The following KIF26B variants were observed in gnomAD, a reference collection of about 807,000 sequenced individuals.
KIF26B encodes kinesin family member 26B, also known as kinesin-like protein KIF26B.
A neutral mutation model predicts 151.2 loss-of-function variants in KIF26B; 63 were observed. The ratio of observed to expected loss-of-function variants is 0.42; its 90% CI spans 0.34 to 0.51. The LOEUF is 0.51. KIF26B is among the 20% of genes least tolerant of loss of function. The pLI is 0.07. For missense variants in KIF26B, 2,813 were observed against 2,913.6 expected (o/e 0.97, Z 0.79); for synonymous variants, 1,357 against 1,262.1 (o/e 1.08, Z -1.59).
At chr1:245,230,565 A>G (rs1669975381) in intron 2 of KIF26B, among the ~76,000 whole-genome samples, 1 of 152,052 alleles carries the variant, frequency 6.6e-6, no homozygotes, top group South Asian at 2.1e-4. Context: ...CAACATGGAG[A>G]AACCCCATCT....
chr1:245,216,610 C>G (rs1419134783), intron 2 of KIF26B, among the ~76,000 whole-genome samples: 1 of 152,100 alleles, frequency 6.6e-6, no homozygotes, highest in African/African-American at 2.4e-5. Context: ...TGTATTGTAG[C>G]CTTTCGGAAA....
At chr1:245,380,478 A>T (rs1673381051) in intron 3 of KIF26B, among the ~76,000 whole-genome samples, 1 of 152,144 alleles carries the variant, frequency 6.6e-6, no homozygotes, top group African/African-American at 2.4e-5. Flanking sequence ...GTCGCCAGGG[A>T]GGTTGACCCC....
chr1:245,387,175 G>GTTTTTTT (rs200463573), intron 3 of KIF26B, among the ~76,000 whole-genome samples: 2 of 142,086 alleles, frequency 1.4e-5, no homozygotes, highest in Non-Finnish European at 3.0e-5. Context: ...TTTGTTTTTT[G>GTTTTTTT]TTTTTTGAGA....
intron 2 of KIF26B, chr1:245,226,043 T>A (rs1477469409): frequency 6.6e-6 from 1 of 152,272 alleles, no homozygotes; most frequent in East Asian, 1.9e-4. Flanking sequence ...TGCTTAGTGA[T>A]TGATGTCCAT....
intron 4 of KIF26B, among the ~76,000 whole-genome samples, chr1:245,485,572 C>T (rs1469536509): frequency 1.1e-4 from 16 of 152,022 alleles, no homozygotes; most frequent in African/African-American, 2.9e-4. Context: ...TTAGTAGAGA[C>T]GGGGTTTCGC....
chr1:245,673,178 T>G (rs1269521417), intron 10 of KIF26B, among the ~76,000 whole-genome samples: 1 of 89,120 alleles, frequency 1.1e-5, no homozygotes, highest in Admixed American at 1.1e-4. Context: ...CAGTCCCCGC[T>G]GCGCGCTGCC....
rs780936718 is a variant in KIF26B, at chr1:245,686,498, C to T, written c.3515C>T (p.Thr1172Met). The change falls in exon 12 of 15, where the codon ACG becomes ATG. Residue 1172 changes from threonine to methionine, a missense_variant. By Grantham distance (81) the Thr-to-Met change is moderately conservative (BLOSUM62 -1). This residue lies in a region of KIF26B where 2,060 missense variants were observed against 2,088.6 expected (regional missense o/e 0.99). Coordinates refer to ENST00000407071, the MANE Select transcript of KIF26B (RefSeq NM_018012.4). The surrounding 1 kb of genome is among the most constrained non-coding windows in gnomAD (Gnocchi z 5.6). ...SESKKEILST[T>M]MVTVQQPLEL... ...TCCAAGAAGGAGATCCTGAGCACCA[C>T]GATGGTGACGGTGCAGCAGCCACTG... The T allele has an allele frequency of 1.7e-5, 27 of 1,612,888 alleles. No individual in the cohort carries two copies. The highest frequency in any genetic ancestry group is 1.6e-4 in the Middle Eastern group (1 of 6,082).
In KIF26B at chr1:245,606,134, A is replaced by G. The variant is rs1257439820; in HGVS notation, c.1558-1517A>G. ...GCCTAAGTCCTGGGGGGTTTGAAAG[A>G]TCCTGTGTGCCCTACAGCAGCCCTG... is the stretch of plus-strand genomic sequence containing the variant. On this transcript the variant is annotated intron_variant, in intron 6 of 14. Transcript: ENST00000407071. This position sits in a 1 kb window ranked among gnomAD's most constrained non-coding sequence, Gnocchi z 4.6. Among the ~76,000 whole-genome samples the G allele has an allele frequency of 1.3e-5, 2 of 152,010 alleles. No homozygotes were observed. The highest frequency in any genetic ancestry group is 4.8e-5 in the African/African-American group (2 of 41,406).
rs574322836 is a variant in KIF26B, at chr1:245,227,025, C to T, written c.465+70342C>T. On this transcript the variant is annotated intron_variant, in intron 2 of 14. Coordinates refer to ENST00000407071, the MANE Select transcript of KIF26B (RefSeq NM_018012.4). The surrounding 1 kb of genome is among the most constrained non-coding windows in gnomAD (Gnocchi z 4.1). ...TTCTTGAAAGACAGGCAGCTTGTTT[C>T]GAATGACCCACAGGGAATGGTGCAC... 2.0e-5 allele frequency among the ~76,000 whole-genome samples: 3 copies of T among 152,284 alleles called. No individual in the cohort carries two copies. The South Asian group carries it at 6.2e-4, about 32-fold the overall frequency.
intron 9 of KIF26B, among the ~76,000 whole-genome samples, chr1:245,640,826 C>T (rs1277459400): frequency 3.9e-5 from 6 of 152,044 alleles, no homozygotes; most frequent in African/African-American, 1.2e-4. Flanking sequence ...CCCTTCTGTT[C>T]CTACATTTTA....
chr1:245,199,192 A>T (rs1415895140), intron 2 of KIF26B, among the ~76,000 whole-genome samples: 2 of 152,130 alleles, frequency 1.3e-5, no homozygotes, highest in East Asian at 3.9e-4. Context: ...TCAAACTTTC[A>T]TCATTTTCTG....
At chr1:245,295,989 T>C (rs536259996) in intron 2 of KIF26B, among the ~76,000 whole-genome samples, 1 of 152,308 alleles carries the variant, frequency 6.6e-6, no homozygotes, top group East Asian at 1.9e-4. Flanking sequence ...CTCTCCATTA[T>C]TCATCTTTGT....
intron 10 of KIF26B, among the ~76,000 whole-genome samples, chr1:245,663,027 A>C (rs1464583533): frequency 7.1e-6 from 1 of 141,146 alleles, no homozygotes; most frequent in Non-Finnish European, 1.5e-5. Flanking sequence ...CTTGCTTTGT[A>C]TCTCTCTCCA....
chr1:245,367,460 A>T lies in KIF26B; in HGVS notation c.999+93A>T, dbSNP rs965146650. On this transcript the variant is annotated intron_variant, in intron 3 of 14. Coordinates refer to ENST00000407071, the MANE Select transcript of KIF26B (RefSeq NM_018012.4). This position sits in a 1 kb window ranked among gnomAD's most constrained non-coding sequence, Gnocchi z 4.2. ...TTCCTTCCGCTGCCTCCTCCCGGGAACCCTGTAACTCAGAGCCCAGTGTTT... is the reference window on the plus strand; with the variant it reads ...TTCCTTCCGCTGCCTCCTCCCGGGATCCCTGTAACTCAGAGCCCAGTGTTT... 1 of 1,185,612 alleles carries T rather than the reference A, an allele frequency of 8.4e-7. No individual in the cohort carries two copies. The highest frequency in any genetic ancestry group is 1.5e-5 in the African/African-American group (1 of 65,392). 73.4% of individuals were successfully genotyped at this position (1,185,612 alleles called of 1,614,324 possible). A position where few individuals can be genotyped will look rare whatever the true frequency, so the allele number is the denominator to read the frequency against.
chr1:245,354,407 T>G (rs1292994765), intron 2 of KIF26B, among the ~76,000 whole-genome samples: 1 of 152,146 alleles, frequency 6.6e-6, no homozygotes, highest in Non-Finnish European at 1.5e-5. Context: ...GTGACCAGCC[T>G]CGTAAGCCAT....
chr1:245,298,171 G>A (rs1282653066), intron 2 of KIF26B, among the ~76,000 whole-genome samples: 2 of 152,318 alleles, frequency 1.3e-5, no homozygotes, highest in Middle Eastern at 3.4e-3. Flanking sequence ...ACAGGCATGA[G>A]CCACCGCGCC....
chr1:245,279,632 T>C (rs1671002130), intron 2 of KIF26B, among the ~76,000 whole-genome samples: 1 of 152,070 alleles, frequency 6.6e-6, no homozygotes, highest in African/African-American at 2.4e-5. Context: ...TTGATTGCAC[T>C]TTGAGGTTTA....
intron 10 of KIF26B, among the ~76,000 whole-genome samples, chr1:245,660,894 C>A (rs1472044346): frequency 6.6e-6 from 1 of 152,096 alleles, no homozygotes; most frequent in Non-Finnish European, 1.5e-5. Flanking sequence ...TGGCTCACTG[C>A]AGCCTTGACC....
intron 5 of KIF26B, among the ~76,000 whole-genome samples, chr1:245,595,863 A>T (rs2043331998): frequency 6.6e-6 from 1 of 152,230 alleles, no homozygotes; most frequent in South Asian, 2.1e-4. Flanking sequence ...CTATTCAGGG[A>T]TTCGACTTCT....
Sources: gnomAD v4.1 joint callset for allele counts (sites outside exome capture counted in the v4.1 genomes callset) on GRCh38, gnomAD v4.1.1 for gene constraint, gnomAD v4.1.1 regional missense constraint, Gnocchi (gnomAD v3.1) non-coding constraint, MANE v1.5 for transcripts, NCBI Gene and HGNC (gene_info 2026-07-23, HGNC 2026-07-21) for gene names.